GALNT2: variants seen among roughly 807,000 people sequenced by gnomAD.
GALNT2 encodes the protein polypeptide N-acetylgalactosaminyltransferase 2.
Under a neutral mutation model 81.4 loss-of-function variants are expected in GALNT2, and 31 were observed. The observed-to-expected ratio is 0.38, with a 90% CI of 0.29 to 0.51. The LOEUF (loss-of-function observed/expected upper bound fraction) is 0.51, where lower values mean the gene tolerates loss of function less well. Ranked by LOEUF, GALNT2 falls within the 20% of genes least tolerant of loss-of-function variation. The probability of loss-of-function intolerance (pLI) is 0.87; values close to 1 mark genes in which losing one functional copy is unlikely to be tolerated. For missense variants in GALNT2, 629 were observed against 765.7 expected (o/e 0.82, Z 2.11); for synonymous variants, 303 against 287.4 (o/e 1.05, Z -0.55).
chr1:230,172,149 G>A (rs368739629), intron 1 of GALNT2, among the ~76,000 whole-genome samples: 292 of 152,328 alleles, frequency 1.9e-3, no homozygotes, highest in Middle Eastern at 0.01. Context: ...GACTGTGACA[G>A]GGCAACAGTG....
chr1:230,173,548 G>A (rs546324577), intron 1 of GALNT2, among the ~76,000 whole-genome samples: 1 of 152,314 alleles, frequency 6.6e-6, no homozygotes, highest in South Asian at 2.1e-4. Context: ...AAGATCACAG[G>A]CTTTGAATTC....
At chr1:230,089,995 T>G (rs78919150) in intron 1 of GALNT2, among the ~76,000 whole-genome samples, 2,672 of 152,280 alleles carry the variant, frequency 0.018, 78 homozygotes, top group African/African-American at 0.06. Context: ...ACTACACCAA[T>G]TTTACATTCC....
intron 1 of GALNT2, among the ~76,000 whole-genome samples, chr1:230,171,755 T>A (rs1052898874): frequency 6.6e-6 from 1 of 152,266 alleles, no homozygotes; most frequent in Non-Finnish European, 1.5e-5. Context: ...GTTTTATGTA[T>A]GTAAGCATGT....
chr1:230,253,072 T>A (rs1665600417), intron 10 of GALNT2, among the ~76,000 whole-genome samples: 1 of 152,102 alleles, frequency 6.6e-6, no homozygotes, highest in African/African-American at 2.4e-5. Context: ...GGTCTCAAAC[T>A]CCCAACCTCA....
chr1:230,135,330 C>A (rs755589498), intron 1 of GALNT2, among the ~76,000 whole-genome samples: 1 of 152,126 alleles, frequency 6.6e-6, no homozygotes, highest in East Asian at 1.9e-4. Context: ...TGGGCCGATT[C>A]CTGTGGCTCT....
At chr1:230,265,825 A>G (rs1395416586) in intron 14 of GALNT2, among the ~76,000 whole-genome samples, 3 of 152,226 alleles carry the variant, frequency 2.0e-5, no homozygotes, top group Non-Finnish European at 2.9e-5. Flanking sequence ...CTGTTAGATA[A>G]TAGCTTAAGA....
At chr1:230,226,464 C>G (rs1276559031) in intron 3 of GALNT2, among the ~76,000 whole-genome samples, 3 of 152,228 alleles carry the variant, frequency 2.0e-5, no homozygotes, top group Non-Finnish European at 2.9e-5. Context: ...TTTCAAACTT[C>G]TGGCCCTGCT....
intron 1 of GALNT2, among the ~76,000 whole-genome samples, chr1:230,130,432 C>A (rs1193182489): frequency 6.6e-6 from 1 of 152,136 alleles, no homozygotes; most frequent in Non-Finnish European, 1.5e-5. Context: ...GTTAAGGACT[C>A]CCTGTGCTCA....
At chr1:230,251,897 G>A (rs1429664904) in intron 10 of GALNT2, among the ~76,000 whole-genome samples, 1 of 152,130 alleles carries the variant, frequency 6.6e-6, no homozygotes, top group African/African-American at 2.4e-5. Flanking sequence ...CCCAGAGACT[G>A]GGGGGTAGAT....
chr1:230,254,234 G>A (rs1158562204), intron 10 of GALNT2, among the ~76,000 whole-genome samples: 1 of 152,154 alleles, frequency 6.6e-6, no homozygotes, highest in African/African-American at 2.4e-5. Context: ...TGGTTGGAAG[G>A]TACCTGTGTG....
At chr1:230,124,423 C>T (rs1359267593) in intron 1 of GALNT2, among the ~76,000 whole-genome samples, 1 of 152,036 alleles carries the variant, frequency 6.6e-6, no homozygotes, top group Non-Finnish European at 1.5e-5. Context: ...CCCCTTGTCA[C>T]CAGTGGCGTG....
At chr1:230,096,035 A>G (rs78412685) in intron 1 of GALNT2, among the ~76,000 whole-genome samples, 13,454 of 152,296 alleles carry the variant, frequency 0.088, 783 homozygotes, top group South Asian at 0.14. Flanking sequence ...CCATGAACCC[A>G]GGGCTGTGGG....
upstream of GALNT2, among the ~76,000 whole-genome samples, chr1:230,064,895 T>C (rs1328017274): frequency 6.6e-6 from 1 of 152,260 alleles, no homozygotes; most frequent in African/African-American, 2.4e-5. Context: ...GATGCCAGCA[T>C]AAATTTTTAT....
chr1:230,208,784 C>T (rs1003146432), intron 3 of GALNT2, among the ~76,000 whole-genome samples: 2 of 152,146 alleles, frequency 1.3e-5, no homozygotes, highest in African/African-American at 4.8e-5. Context: ...TAAAAGGAGC[C>T]TCAGGGGAGT....
At chr1:230,136,864 C>T (rs781386227) in intron 1 of GALNT2, among the ~76,000 whole-genome samples, 13 of 152,118 alleles carry the variant, frequency 8.5e-5, no homozygotes, top group Non-Finnish European at 1.8e-4. Flanking sequence ...ACCCTCAGAC[C>T]GAAGAGCCGG....
intron 1 of GALNT2, among the ~76,000 whole-genome samples, chr1:230,137,545 T>C (rs1661589328): frequency 6.6e-6 from 1 of 152,248 alleles, no homozygotes; most frequent in African/African-American, 2.4e-5. Context: ...TTATTTTCTC[T>C]TCAAGGGGTG....
intron 1 of GALNT2, among the ~76,000 whole-genome samples, chr1:230,113,587 G>T (rs1428563457): frequency 6.6e-6 from 1 of 152,232 alleles, no homozygotes; most frequent in South Asian, 2.1e-4. Flanking sequence ...CATGCAAAGT[G>T]CTCAAGAAGT....
rs534265511 is a variant in GALNT2, at chr1:230,257,911, T to C, written c.1136+2567T>C. Among the ~76,000 whole-genome samples the C allele has an allele frequency of 5.9e-5, 9 of 152,146 alleles. No individual in the cohort carries two copies. The highest frequency in any genetic ancestry group is 2.2e-4 in the African/African-American group (9 of 41,422). ...TGTGGGTGTGGGGATTGCTAGCTTA[T>C]CTTTTGTCTAGTTTTTTTCTTGAGA... On this transcript the variant is annotated intron_variant, in intron 11 of 15. Coordinates refer to ENST00000366672, the MANE Select transcript of GALNT2 (RefSeq NM_004481.5). The surrounding 1 kb of genome is among the most constrained non-coding windows in gnomAD (Gnocchi z 4.6).
intron 1 of GALNT2, among the ~76,000 whole-genome samples, chr1:230,130,272 C>T (rs938352694): frequency 6.6e-6 from 1 of 152,182 alleles, no homozygotes; most frequent in Non-Finnish European, 1.5e-5. Flanking sequence ...ATTTCTTCAC[C>T]TACCCACAGC....
Sources: gnomAD v4.1 joint callset for allele counts (sites outside exome capture counted in the v4.1 genomes callset) on GRCh38, gnomAD v4.1.1 for gene constraint, Gnocchi (gnomAD v3.1) non-coding constraint, MANE v1.5 for transcripts, NCBI Gene and HGNC (gene_info 2026-07-23, HGNC 2026-07-21) for gene names.